Variants in CELF2 observed in about 807,000 individuals in gnomAD.
CELF2 encodes CUGBP Elav-like family member 2.
Under a neutral mutation model 62.6 loss-of-function variants are expected in CELF2, and 8 were observed. The observed-to-expected ratio is 0.13, with a 90% CI of 0.07 to 0.23. The LOEUF (loss-of-function observed/expected upper bound fraction) is 0.23, where lower values mean the gene tolerates loss of function less well. Among genes scored for constraint, CELF2 ranks in the 10% least tolerant of loss-of-function variants. The pLI is 1.00. For missense variants in CELF2, 333 were observed against 671.0 expected (o/e 0.50, Z 5.56); for synonymous variants, 258 against 250.0 (o/e 1.03, Z -0.30).
At chr10:11,127,550 C>T (rs533606156) in intron 1 of CELF2, among the ~76,000 whole-genome samples, 7 of 152,326 alleles carry the variant, frequency 4.6e-5, no homozygotes, top group Non-Finnish European at 7.3e-5. Flanking sequence ...TCCTCTGCAG[C>T]ATCTGTTGTT....
the CELF2 span, among the ~76,000 whole-genome samples, chr10:10,589,836 G>A: frequency 2.0e-5 from 3 of 152,188 alleles, no homozygotes; most frequent in African/African-American, 7.2e-5. Context: ...CTGACTCTGA[G>A]GTTTATAATC....
chr10:10,591,431 T>A, the CELF2 span, among the ~76,000 whole-genome samples: 1 of 151,998 alleles, frequency 6.6e-6, no homozygotes, highest in African/African-American at 2.4e-5. Flanking sequence ...ATATAGTAAG[T>A]ATATATGTAT....
At chr10:11,125,282 G>A (rs1353033169) in intron 1 of CELF2, among the ~76,000 whole-genome samples, 1 of 152,156 alleles carries the variant, frequency 6.6e-6, no homozygotes, top group Non-Finnish European at 1.5e-5. Flanking sequence ...AGAATAGTCA[G>A]TTCTCTTGTT....
intron 8 of CELF2, among the ~76,000 whole-genome samples, chr10:11,287,142 G>T (rs2091517430): frequency 6.6e-6 from 1 of 152,144 alleles, no homozygotes; most frequent in Non-Finnish European, 1.5e-5. Context: ...AGCTCTCAGG[G>T]CACTCTCCCT....
rs7095693 is a variant in CELF2, at chr10:11,328,212, T to C, written c.1439-714T>C. 8.9e-3 allele frequency among the ~76,000 whole-genome samples: 1,351 copies of C among 152,318 alleles called. 20 individuals carry two copies. Among genetic ancestry groups the C allele is most frequent in the African/African-American group, 0.031 (1,270 of 41,566 alleles). ...ACTTTGGGAGATGCCAGGGAGCAATTTCCTTTCTGCTGAATTTACTGGAGC... is the reference window on the plus strand; with the variant it reads ...ACTTTGGGAGATGCCAGGGAGCAATCTCCTTTCTGCTGAATTTACTGGAGC... On this transcript the variant is annotated intron_variant, in intron 12 of 12. Transcript: ENST00000633077. This position sits in a 1 kb window ranked among gnomAD's most constrained non-coding sequence, Gnocchi z 6.4.
chr10:11,123,078 C>T (rs1166111252), intron 1 of CELF2, among the ~76,000 whole-genome samples: 1 of 150,610 alleles, frequency 6.6e-6, no homozygotes, highest in African/African-American at 2.5e-5. Flanking sequence ...TTTTCCAGTT[C>T]CTCCCGGTCC....
At chr10:10,667,528 A>G in the CELF2 span, among the ~76,000 whole-genome samples, 1 of 152,188 alleles carries the variant, frequency 6.6e-6, no homozygotes, top group Admixed American at 6.5e-5. Flanking sequence ...TATTTCCTAT[A>G]ACTTAAAGAG....
At chr10:10,861,847 G>A (rs1187184064) in intron 1 of CELF2, among the ~76,000 whole-genome samples, 1 of 152,192 alleles carries the variant, frequency 6.6e-6, no homozygotes, top group Non-Finnish European at 1.5e-5. Flanking sequence ...TATGCTCAAA[G>A]TTAGACAAAG....
At chr10:11,032,082 G>A (rs1053087525) in intron 1 of CELF2, among the ~76,000 whole-genome samples, 1 of 147,260 alleles carries the variant, frequency 6.8e-6, no homozygotes, top group Non-Finnish European at 1.5e-5. Flanking sequence ...TCTTGGGGCA[G>A]GTGCGATTGC....
At chr10:10,994,345 T>C (rs2053731374) in intron 2 of CELF2, among the ~76,000 whole-genome samples, 1 of 152,226 alleles carries the variant, frequency 6.6e-6, no homozygotes, top group Admixed American at 6.5e-5. Context: ...CACTTTCTCA[T>C]TGATGTATTC....
chr10:10,956,360 G>A (rs931391747), intron 2 of CELF2, among the ~76,000 whole-genome samples: 1 of 152,170 alleles, frequency 6.6e-6, no homozygotes, highest in African/African-American at 2.4e-5. Flanking sequence ...TCACGAGGGG[G>A]AAGTGTTCCA....
In CELF2 at chr10:11,263,422, A is replaced by G. The variant is rs972980048; in HGVS notation, c.539-3176A>G. 1.1e-4 allele frequency among the ~76,000 whole-genome samples: 17 copies of G among 152,254 alleles called. 1 individual carries two copies. The Middle Eastern group carries it at 0.01, about 91-fold the overall frequency. On this transcript the variant is annotated intron_variant, in intron 5 of 12. Coordinates refer to ENST00000633077, the MANE Select transcript of CELF2 (RefSeq NM_001326342.2). Reference sequence around the variant, plus strand: ...CCAAAAAAGAAAGAAGTATGGCTTCATTATTTTGATACCTGTATATTTTCC... The same window carrying G: ...CCAAAAAAGAAAGAAGTATGGCTTCGTTATTTTGATACCTGTATATTTTCC...
intron 1 of CELF2, among the ~76,000 whole-genome samples, chr10:11,089,987 A>G (rs1335966464): frequency 6.6e-6 from 1 of 152,210 alleles, no homozygotes; most frequent in Non-Finnish European, 1.5e-5. Flanking sequence ...ACTCATGGAC[A>G]TGAAGATGGA....
the CELF2 span, among the ~76,000 whole-genome samples, chr10:10,733,632 G>T: frequency 6.6e-6 from 1 of 152,086 alleles, no homozygotes; most frequent in African/African-American, 2.4e-5. Context: ...TCACAATCAT[G>T]GTGGAAGGTG....
At chr10:10,463,749 C>G in the CELF2 span, among the ~76,000 whole-genome samples, 2 of 152,076 alleles carry the variant, frequency 1.3e-5, no homozygotes, top group Admixed American at 1.3e-4. Flanking sequence ...ACTACAATTT[C>G]TCTGTTTGTT....
chr10:10,887,593 C>T (rs1289333190), intron 1 of CELF2, among the ~76,000 whole-genome samples: 2 of 152,110 alleles, frequency 1.3e-5, no homozygotes, highest in Non-Finnish European at 2.9e-5. Flanking sequence ...GGCTGTTGGT[C>T]TATTTTTTTG....
chr10:11,146,488 G>A (rs2062305347), intron 1 of CELF2, among the ~76,000 whole-genome samples: 2 of 152,160 alleles, frequency 1.3e-5, no homozygotes, highest in Admixed American at 6.5e-5. Flanking sequence ...CAAGCAATTT[G>A]TTTTCCCTTT....
the CELF2 span, chr10:10,784,495 G>A: frequency 2.6e-5 from 4 of 152,418 alleles, no homozygotes; most frequent in Non-Finnish European, 5.9e-5. Context: ...TGAGATGGAT[G>A]GGGAGCTGGA....
chr10:11,035,438 G>A (rs2060794014), intron 1 of CELF2, among the ~76,000 whole-genome samples: 1 of 152,132 alleles, frequency 6.6e-6, no homozygotes, highest in South Asian at 2.1e-4. Context: ...CCCCGTTCTG[G>A]AAAGCTGGGA....
Sources: allele counts gnomAD v4.1 joint callset (sites outside exome capture counted in the v4.1 genomes callset), GRCh38; gene constraint gnomAD v4.1.1; non-coding constraint Gnocchi (gnomAD v3.1); transcripts MANE v1.5; gene names NCBI Gene and HGNC (gene_info 2026-07-23, HGNC 2026-07-21).